The following HEMK2 variants were observed in gnomAD, a reference collection of about 807,000 sequenced individuals.
The protein encoded by HEMK2 is methyltransferase HEMK2.
the HEMK2 span, among the ~76,000 whole-genome samples, chr21:28,722,631 C>T: frequency 1.3e-5 from 2 of 152,284 alleles, no homozygotes; most frequent in African/African-American, 4.8e-5. Context: ...CCTGTAATCC[C>T]AGCACTCTGG....
chr21:28,586,569 C>T, the HEMK2 span, among the ~76,000 whole-genome samples: 9 of 152,314 alleles, frequency 5.9e-5, no homozygotes, highest in African/African-American at 1.7e-4. Context: ...CATCCTATAA[C>T]GCCATGCCTC....
chr21:28,587,067 G>C, the HEMK2 span, among the ~76,000 whole-genome samples: 4 of 151,966 alleles, frequency 2.6e-5, no homozygotes, highest in Admixed American at 6.6e-5. Flanking sequence ...AACCCAGTAA[G>C]AGACAGTTTA....
chr21:28,786,767 T>C, the HEMK2 span, among the ~76,000 whole-genome samples: 1 of 152,170 alleles, frequency 6.6e-6, no homozygotes, highest in Non-Finnish European at 1.5e-5. Context: ...TATTAAAATC[T>C]ATTTTCAAAA....
At chr21:28,652,449 T>TCCC in the HEMK2 span, among the ~76,000 whole-genome samples, 4 of 152,046 alleles carry the variant, frequency 2.6e-5, no homozygotes, top group African/African-American at 9.7e-5. Context: ...CCTTCCTTCC[T>TCCC]TCCTCCCTCC....
the HEMK2 span, among the ~76,000 whole-genome samples, chr21:28,694,946 C>A: frequency 1.3e-5 from 2 of 150,074 alleles, no homozygotes; most frequent in South Asian, 4.2e-4. Context: ...TGCAGTGAGC[C>A]GAGATGGGGT....
At chr21:28,764,690 A>G in the HEMK2 span, among the ~76,000 whole-genome samples, 1 of 152,082 alleles carries the variant, frequency 6.6e-6, no homozygotes, top group Non-Finnish European at 1.5e-5. Context: ...GCAAGTTGAT[A>G]ACTCCTTTTT....
chr21:28,587,178 A>C, the HEMK2 span, among the ~76,000 whole-genome samples: 6 of 76,076 alleles, frequency 7.9e-5, no homozygotes, highest in East Asian at 2.4e-4. Context: ...AAATAAACAA[A>C]AAAAAAAAAA....
At chr21:28,874,969 G>T in the HEMK2 span, 1 of 152,270 alleles carries the variant, frequency 6.6e-6, no homozygotes, top group Non-Finnish European at 1.5e-5. Flanking sequence ...GAGGTGAGAT[G>T]TAGTGCTGCA....
At chr21:28,842,282 T>C in the HEMK2 span, among the ~76,000 whole-genome samples, 1 of 152,198 alleles carries the variant, frequency 6.6e-6, no homozygotes. Flanking sequence ...TTATATCACA[T>C]GTATAACTAC....
At chr21:28,614,672 T>C in the HEMK2 span, among the ~76,000 whole-genome samples, 470 of 152,316 alleles carry the variant, frequency 3.1e-3, 3 homozygotes, top group African/African-American at 0.011. Context: ...CAGTGACATT[T>C]TGCTGACATA....
the HEMK2 span, among the ~76,000 whole-genome samples, chr21:28,830,577 T>TA: frequency 3.3e-5 from 5 of 152,256 alleles, no homozygotes; most frequent in African/African-American, 7.2e-5. Flanking sequence ...GTTTATTTTT[T>TA]AAAAAAATGT....
the HEMK2 span, chr21:28,873,761 A>C: frequency 6.6e-6 from 1 of 152,252 alleles, no homozygotes; most frequent in South Asian, 2.1e-4. Context: ...AGTTAGAGGC[A>C]TAAGAAGCCC....
chr21:28,855,644 A>C, the HEMK2 span, among the ~76,000 whole-genome samples: 2 of 152,248 alleles, frequency 1.3e-5, no homozygotes. Flanking sequence ...AAAAATGGAA[A>C]ATAAAATTAC....
the HEMK2 span, among the ~76,000 whole-genome samples, chr21:28,752,991 T>C: frequency 6.6e-6 from 1 of 152,126 alleles, no homozygotes; most frequent in African/African-American, 2.4e-5. Context: ...TTCTTACCCC[T>C]GAAGAACCAT....
chr21:28,595,133 G>T, the HEMK2 span, among the ~76,000 whole-genome samples: 3 of 152,264 alleles, frequency 2.0e-5, no homozygotes, highest in Middle Eastern at 3.4e-3. Context: ...CATGGAAGAT[G>T]GGGTATCTGT....
the HEMK2 span, among the ~76,000 whole-genome samples, chr21:28,629,233 T>G: frequency 8.5e-4 from 129 of 152,316 alleles, 1 homozygote; most frequent in Non-Finnish European, 1.5e-5. Flanking sequence ...GGATTACCTC[T>G]TTCTCTAAAG....
the HEMK2 span, among the ~76,000 whole-genome samples, chr21:28,712,618 T>C: frequency 2.0e-5 from 3 of 152,102 alleles, no homozygotes; most frequent in Non-Finnish European, 2.9e-5. Context: ...AAGAACACCC[T>C]TGGGGGCAAT....
At chr21:28,742,178 T>C in the HEMK2 span, among the ~76,000 whole-genome samples, 3 of 152,208 alleles carry the variant, frequency 2.0e-5, no homozygotes, top group South Asian at 6.2e-4. Context: ...ACAGAGACCG[T>C]GTAGCCCATA....
chr21:28,807,061 C>A, the HEMK2 span, among the ~76,000 whole-genome samples: 2 of 152,164 alleles, frequency 1.3e-5, no homozygotes, highest in Non-Finnish European at 2.9e-5. Context: ...TTATTCAGCA[C>A]AGGACTTTAA....
Sources: allele counts gnomAD v4.1 joint callset (sites outside exome capture counted in the v4.1 genomes callset), GRCh38; gene constraint gnomAD v4.1.1; transcripts MANE v1.5; gene names NCBI Gene and HGNC (gene_info 2026-07-23, HGNC 2026-07-21).